ZMYM6: variants seen among roughly 807,000 people sequenced by gnomAD.
The protein encoded by ZMYM6 is zinc finger MYM-type protein 6.
Under a neutral mutation model 134.0 loss-of-function variants are expected in ZMYM6, and 90 were observed. The ratio of observed to expected loss-of-function variants is 0.67; its 90% CI spans 0.57 to 0.80. ZMYM6 has a LOEUF of 0.80. ZMYM6 is among the 30% of genes least tolerant of loss of function. The pLI, the probability that ZMYM6 is intolerant of heterozygous loss-of-function variation, is 0.00. For missense variants in ZMYM6, 1,362 were observed against 1,533.9 expected, an observed-to-expected ratio of 0.89 and a Z score of 1.87; for synonymous variants, 481 against 524.1, an observed-to-expected ratio of 0.92 and a Z score of 1.12.
chr1:35,010,609 C>A lies in ZMYM6; in HGVS notation c.1342-12G>T, dbSNP rs1397791693. On this transcript the variant is annotated splice_polypyrimidine_tract_variant and intron_variant, in intron 9 of 15. Coordinates refer to ENST00000357182, the MANE Select transcript of ZMYM6 (RefSeq NM_007167.4). ...AGAAACATTTTACCCTGCAGAGAAA[C>A]AACAGTCCATTAAGAGCCAACTAAA... is the stretch of plus-strand genomic sequence containing the variant. 2 of 1,602,248 alleles carry A rather than the reference C, an allele frequency of 1.2e-6. No homozygotes were observed. The highest frequency in any genetic ancestry group is 4.5e-5 in the East Asian group (2 of 44,850).
At position 35,010,943 on chromosome 1, in the gene ZMYM6, C is replaced by T. The variant is rs201087949; in HGVS notation, c.1156G>A (p.Val386Met). The T allele has an allele frequency of 2.4e-5, 39 of 1,612,704 alleles. No homozygotes were observed. Among genetic ancestry groups the T allele is most frequent in the Admixed American group, 1.0e-4 (6 of 59,664 alleles). ...GAGGTGTTACCTCCTCCTATTGACA[C>T]TGCTGACCTGGAGGAGGGCGGGCTT... ...VVSPPSSRSA[V>M]SIGGGNTSAV... The change falls in exon 9 of 16, where the codon GTG becomes ATG. Residue 386 changes from valine (V) to methionine (M), a missense_variant. Val to Met is a conservative substitution (Grantham distance 21). Around this residue, in one of 3 missense-constraint regions of ZMYM6, gnomAD observed 503 missense variants for 520.8 expected, o/e 0.97. Coordinates refer to ENST00000357182, the MANE Select transcript of ZMYM6 (RefSeq NM_007167.4).
chr1:35,012,125 T>C, intron 7 of ZMYM6, 120 bp from the exon 8 acceptor site: 2 of 681,976 alleles, frequency 2.9e-6, no homozygotes, highest in South Asian at 3.2e-5. Flanking sequence ...ATCAAGGAAC[T>C]TTATAAAAAT....
intron 15 of ZMYM6, 56 bp downstream of exon 15, chr1:34,992,161 TCCTTTCTTAAAAAACAA>T: frequency 6.3e-7 from 1 of 1,581,544 alleles, no homozygotes; most frequent in East Asian, 2.2e-5. Context: ...TATTTTCTTT[TCCTTTCTTAAAAAACAA>T]AAACAAACAA....
chr1:35,014,594 G>A, intron 6 of ZMYM6, 103 bp downstream of exon 6: 1 of 1,118,284 alleles, frequency 8.9e-7, no homozygotes, highest in East Asian at 2.5e-5. Flanking sequence ...CACATATCAG[G>A]ATGGACTAAT....
intron 14 of ZMYM6, among the ~76,000 whole-genome samples, chr1:34,997,752 A>AT (rs1640808451): frequency 1.3e-5 from 2 of 152,118 alleles, no homozygotes; most frequent in African/African-American, 4.8e-5. Flanking sequence ...TTTGTGACAT[A>AT]TTTAGAAAGA....
chr1:35,015,743 A>AAAT, intron 4 of ZMYM6, among the ~76,000 whole-genome samples: 8 of 106,462 alleles, frequency 7.5e-5, no homozygotes, highest in Admixed American at 1.9e-4. Flanking sequence ...AAAAAAAAAA[A>AAAT]ATATATATAT....
intron 2 of ZMYM6, chr1:35,030,057 G>C (rs1237982168): frequency 6.5e-6 from 1 of 153,488 alleles, no homozygotes; most frequent in East Asian, 1.9e-4. Flanking sequence ...TTTTTTAAGT[G>C]ACAAGTATGG....
Position 35,011,901 on chromosome 1 carries a change from C to A in ZMYM6, c.1051G>T (p.Val351Phe). The A allele has an allele frequency of 6.3e-7, 1 of 1,599,460 alleles. No individual in the cohort carries two copies. The highest frequency in any genetic ancestry group is 8.5e-7 in the Non-Finnish European group (1 of 1,171,298). ...ACCTTAGATCATACCTGGAAAGCAA[C>A]CACACAACTGGAGCTGCAGAAGCTG... ...IYSFCSSSCV[V>F]AFQNVFSKPK... The change falls in exon 8 of 16, where the codon GTT becomes TTT. Residue 351 changes from valine to phenylalanine, a missense_variant. Coordinates refer to ENST00000357182, the MANE Select transcript of ZMYM6 (RefSeq NM_007167.4).
Position 35,012,009 on chromosome 1 carries a change from G to T in ZMYM6, c.947-4C>A. 6.4e-7 allele frequency: 1 copy of T among 1,569,478 alleles called. No individual in the cohort carries two copies. The highest frequency in any genetic ancestry group is 8.7e-7 in the Non-Finnish European group (1 of 1,152,110). On this transcript the variant is annotated splice_polypyrimidine_tract_variant and splice_region_variant and intron_variant, in intron 7 of 15. Coordinates refer to ENST00000357182, the MANE Select transcript of ZMYM6 (RefSeq NM_007167.4). ...CTATGACATGAAACCTGGACACCTT[G>T]GTGACAAAAAATTAAAAACAATGAT...
intron 14 of ZMYM6, among the ~76,000 whole-genome samples, chr1:35,000,667 G>C (rs917351123): frequency 1.2e-4 from 18 of 152,044 alleles, no homozygotes; most frequent in Non-Finnish European, 2.1e-4. Context: ...AACCTACTCA[G>C]TATCAACATG....
In ZMYM6 at chr1:34,988,088, T is replaced by C. The variant is rs574340576; in HGVS notation, c.2994A>G (p.Gln998=). Residue 998 remains glutamine, a synonymous_variant, in exon 16 of 16, where the codon CAA becomes CAG. Coordinates refer to ENST00000357182, the MANE Select transcript of ZMYM6 (RefSeq NM_007167.4). The stretch of plus-strand genomic sequence containing the variant: ...ATGCCGCTGTATTCATGGCAACTTC[T>C]TGAATTTTTGCTTTTAAACCAGAAT... ...GRYSGLKAKI[Q]EVAMNTAAFT... 1 of 1,551,380 alleles carries C rather than the reference T, an allele frequency of 6.4e-7. No individual in the cohort carries two copies. Among genetic ancestry groups the C allele is most frequent in the Non-Finnish European group, 8.7e-7 (1 of 1,147,002 alleles).
At position 35,012,415 on chromosome 1, in the gene ZMYM6, C is replaced by T; in HGVS notation, c.946+16G>A. 1 of 1,469,734 alleles carries T rather than the reference C, an allele frequency of 6.8e-7. No individual in the cohort carries two copies. The highest frequency in any genetic ancestry group is 1.5e-5 in the South Asian group (1 of 67,518). The allele number at this position is 1,469,734 out of a possible 1,614,324, so 91.0% of individuals were successfully genotyped here. On this transcript the variant is annotated intron_variant, in intron 7 of 15. Transcript: ENST00000357182. ...ATAGTTATTAAATCTATAAATTTAT[C>T]AAATTTAAACATTACCTGAAGAAGT...
At chr1:34,989,224 A>G in intron 15 of ZMYM6, 1 of 1,119,822 alleles carries the variant, frequency 8.9e-7, no homozygotes, top group East Asian at 6.4e-5. Context: ...GCTGAAGACC[A>G]TGATACACAT....
rs1237325536 is a variant in ZMYM6 at position 34,987,231 on chromosome 1, CATAA to C, written c.3847_3850del (p.Leu1283ValfsTer8). On this transcript the variant is annotated frameshift_variant, in exon 16 of 16. Transcript: ENST00000357182. LOFTEE classifies it high-confidence loss of function. ...AGTCAAAGCTGAAAAGGCAGCATCA[CATAA>C]ATAAACAGTTGAAAAGGGTAATAAA... The C allele has an allele frequency of 1.2e-6, 2 of 1,613,750 alleles. No homozygotes were observed. The highest frequency in any genetic ancestry group is 1.3e-5 in the African/African-American group (1 of 74,932).
chr1:35,023,670 T>G (rs973011995), intron 2 of ZMYM6, among the ~76,000 whole-genome samples: 8 of 151,718 alleles, frequency 5.3e-5, no homozygotes, highest in African/African-American at 1.9e-4. Flanking sequence ...TCACCCATGC[T>G]GGAATGCAGT....
In ZMYM6 at chr1:35,030,678, G is replaced by C; in HGVS notation, c.-39C>G. 1.3e-6 allele frequency: 2 copies of C among 1,574,900 alleles called. No homozygotes were observed. The highest frequency in any genetic ancestry group is 8.7e-7 in the Non-Finnish European group (1 of 1,153,744). On this transcript the variant is annotated 5_prime_UTR_variant, in exon 2 of 16. Coordinates refer to ENST00000357182, the MANE Select transcript of ZMYM6 (RefSeq NM_007167.4). ...CTCAAAGAGTGTCTCAGGCTCAAAC[G>C]AATAGATTTCTTCTTGGTAATGGAT...
chr1:34,997,397 G>A (rs1043891238), intron 14 of ZMYM6, among the ~76,000 whole-genome samples: 10 of 152,060 alleles, frequency 6.6e-5, no homozygotes, highest in African/African-American at 2.2e-4. Context: ...TCCGCCTCCC[G>A]GGATCAAGCA....
chr1:35,007,223 G>C, intron 11 of ZMYM6, 125 bp from the exon 12 acceptor site: 1 of 866,078 alleles, frequency 1.2e-6, no homozygotes, highest in South Asian at 3.1e-5. Context: ...AAAATGTAAG[G>C]TTCTTACCTT....
rs191011982 is a variant in ZMYM6 at position 35,028,907 on chromosome 1, T to C, written c.93+1640A>G. Reference sequence around the variant, plus strand: ...TACTTTCTCACTTAAAACCCTACAATTGGCCAGGTGTGGTGGCTCACGCCT... The same window carrying C: ...TACTTTCTCACTTAAAACCCTACAACTGGCCAGGTGTGGTGGCTCACGCCT... On this transcript the variant is annotated intron_variant, in intron 2 of 15. Coordinates refer to ENST00000357182, the MANE Select transcript of ZMYM6 (RefSeq NM_007167.4). Among the ~76,000 whole-genome samples, 677 of 152,022 alleles carry C rather than the reference T, an allele frequency of 4.5e-3. 13 individuals carry two copies. The highest frequency in any genetic ancestry group is 0.036 in the Admixed American group (550 of 15,282).
Sources: allele counts gnomAD v4.1 joint callset (sites outside exome capture counted in the v4.1 genomes callset), GRCh38; gene constraint gnomAD v4.1.1; regional missense constraint gnomAD v4.1.1; transcripts MANE v1.5; gene names NCBI Gene and HGNC (gene_info 2026-07-23, HGNC 2026-07-21).